The following TTC7B variants were observed in gnomAD, a reference collection of about 807,000 sequenced individuals.
TTC7B encodes tetratricopeptide repeat domain 7B.
A neutral mutation model predicts 106.8 loss-of-function variants in TTC7B; 28 were observed. The ratio of observed to expected loss-of-function variants is 0.26; its 90% confidence interval spans 0.19 to 0.36. TTC7B has a LOEUF of 0.36. TTC7B is among the 10% of genes least tolerant of loss of function. TTC7B has a pLI of 1.00. For synonymous variants in TTC7B, 405 were observed against 430.6 expected, an observed-to-expected ratio of 0.94 and a Z score of 0.74; for missense variants, 862 against 1,076.4, an observed-to-expected ratio of 0.80 and a Z score of 2.79.
chr14:90,743,968 C>T (rs1889862857), intron 4 of TTC7B, among the ~76,000 whole-genome samples: 2 of 152,148 alleles, frequency 1.3e-5, no homozygotes. Flanking sequence ...GCCCTCTTGT[C>T]AGCTGCTCGT....
rs148486043 is a variant in TTC7B, at chr14:90,552,808, G to A, written c.2311-11219C>T. On this transcript the variant is annotated intron_variant, in intron 19 of 19. Transcript: ENST00000328459. The stretch of plus-strand genomic sequence containing the variant: ...TTCCCTTGGGCCTGGGGTCGAACAC[G>A]GAAGGCAAATCTCCTCCAGTCCCCA... Among the ~76,000 whole-genome samples the A allele has an allele frequency of 2.1e-3, 325 of 152,284 alleles. 1 individual carries two copies. Among genetic ancestry groups the A allele is most frequent in the Non-Finnish European group, 3.9e-3 (268 of 68,018 alleles).
At position 90,578,293 on chromosome 14, in the gene TTC7B, C is replaced by T. The variant is rs1308284464; in HGVS notation, c.2123G>A (p.Gly708Asp). 1 of 1,613,946 alleles carries T rather than the reference C, an allele frequency of 6.2e-7. No homozygotes were observed. The highest frequency in any genetic ancestry group is 1.1e-5 in the South Asian group (1 of 90,956). ...IWLHAAEVYI[G>D]IGKPAEATAC... ...TGTGGCTTCTGCAGGCTTCCCGATG[C>T]CGATATAGACTTCAGCTGTGAGGAG... The change falls in exon 19 of 20, where the codon GGC (glycine) becomes GAC (aspartate). Residue 708 changes from glycine to aspartate, a missense_variant. By Grantham distance (94) the Gly-to-Asp change is moderately conservative. Coordinates refer to ENST00000328459, the MANE Select transcript of TTC7B (RefSeq NM_001010854.2). The surrounding 1 kb of genome is among the most constrained non-coding windows in gnomAD (Gnocchi z 4.7).
chr14:90,581,662 G>C (rs1424605043), intron 18 of TTC7B, among the ~76,000 whole-genome samples: 3 of 152,224 alleles, frequency 2.0e-5, no homozygotes, highest in African/African-American at 2.4e-5. Context: ...CTCCCAGTTA[G>C]AGCATTATGA....
At chr14:90,660,325 G>C (rs1056247176) in intron 9 of TTC7B, among the ~76,000 whole-genome samples, 5 of 145,594 alleles carry the variant, frequency 3.4e-5, no homozygotes, top group African/African-American at 1.3e-4. Flanking sequence ...AGGAGGCCGA[G>C]GCTGCAGCGA....
Position 90,808,961 on chromosome 14 carries a change from A to T in TTC7B, c.121+7214T>A, listed in dbSNP as rs191636365. Among the ~76,000 whole-genome samples the T allele has an allele frequency of 2.0e-3, 303 of 152,368 alleles. No individual in the cohort carries two copies. The highest frequency in any genetic ancestry group is 6.9e-3 in the African/African-American group (289 of 41,594). ...ACCAGTTAGAACGCCTTCAGCAGCC[A>T]GTAACGACCAAACGCCTGACTCAGT... On this transcript the variant is annotated intron_variant, in intron 1 of 19. Transcript: ENST00000328459. The surrounding 1 kb of genome is among the most constrained non-coding windows in gnomAD (Gnocchi z 4.2).
chr14:90,605,243 T>C (rs1450502010), intron 17 of TTC7B, among the ~76,000 whole-genome samples: 2 of 151,848 alleles, frequency 1.3e-5, no homozygotes, highest in Non-Finnish European at 2.9e-5. Flanking sequence ...AAAACGGGAG[T>C]TTTTGCGCAA....
At position 90,801,059 on chromosome 14, in the gene TTC7B, T is replaced by C. The variant is rs530958742; in HGVS notation, c.122-14731A>G. On this transcript the variant is annotated intron_variant, in intron 1 of 19. Transcript: ENST00000328459. ...TGCACGCATAGTGAGACCTTGTCTC[T>C]ATACAAATTTTTAAAATTAGCTAGG... 2.9e-5 allele frequency among the ~76,000 whole-genome samples: 4 copies of C among 138,554 alleles called. No individual in the cohort carries two copies. In the South Asian group the frequency reaches 9.9e-4, roughly 34 times the overall value. The allele number at this position is 138,554 out of a possible 152,430, so 90.9% of individuals were successfully genotyped here. A position where few individuals can be genotyped will look rare whatever the true frequency, so the allele number is the denominator to read the frequency against.
chr14:90,785,101 G>A (rs1891342053), intron 2 of TTC7B, among the ~76,000 whole-genome samples: 1 of 152,148 alleles, frequency 6.6e-6, no homozygotes, highest in Admixed American at 6.5e-5. Context: ...ACCCCTTTAA[G>A]AGCCCACCCC....
chr14:90,674,389 T>A (rs1287031438), intron 9 of TTC7B, among the ~76,000 whole-genome samples: 1 of 152,214 alleles, frequency 6.6e-6, no homozygotes, highest in Non-Finnish European at 1.5e-5. Flanking sequence ...ACCGTTTTAG[T>A]CGGATGATCT....
rs942397033 is a variant in TTC7B at position 90,575,250 on chromosome 14, C to A, written c.2310+2856G>T. Among the ~76,000 whole-genome samples, 1 of 152,212 alleles carries A rather than the reference C, an allele frequency of 6.6e-6. No individual in the cohort carries two copies. Among genetic ancestry groups the A allele is most frequent in the Admixed American group, 6.5e-5 (1 of 15,292 alleles). On this transcript the variant is annotated intron_variant, in intron 19 of 19. Coordinates refer to ENST00000328459, the MANE Select transcript of TTC7B (RefSeq NM_001010854.2). This position sits in a 1 kb window ranked among gnomAD's most constrained non-coding sequence, Gnocchi z 5.2. Reference sequence around the variant, plus strand: ...ATGTCAGTTCTTGGGTTTAATCTGTCTGCATGTTGTATTGGCGCGGTTATC... The same window carrying A: ...ATGTCAGTTCTTGGGTTTAATCTGTATGCATGTTGTATTGGCGCGGTTATC...
chr14:90,674,290 T>A (rs1886741094), intron 9 of TTC7B, among the ~76,000 whole-genome samples: 3 of 152,216 alleles, frequency 2.0e-5, no homozygotes, highest in Admixed American at 2.0e-4. Context: ...AGGGTGGACC[T>A]AACCCCTATC....
rs1712872303 is a variant in TTC7B, at chr14:90,578,850, C to T, written c.2108-542G>A. Among the ~76,000 whole-genome samples, 1 of 152,142 alleles carries T rather than the reference C, an allele frequency of 6.6e-6. No individual in the cohort carries two copies. The highest frequency in any genetic ancestry group is 6.5e-5 in the Admixed American group (1 of 15,286). On this transcript the variant is annotated intron_variant, in intron 18 of 19. Coordinates refer to ENST00000328459, the MANE Select transcript of TTC7B (RefSeq NM_001010854.2). The surrounding 1 kb of genome is among the most constrained non-coding windows in gnomAD (Gnocchi z 4.7). ...GATGGCTGCCCCGCCACACCTGGCC[C>T]CTGAGCTCACCTCTGACCAGGGGAA...
At chr14:90,784,417 C>T (rs930841637) in intron 2 of TTC7B, among the ~76,000 whole-genome samples, 5 of 152,024 alleles carry the variant, frequency 3.3e-5, no homozygotes, top group Middle Eastern at 3.4e-3. Context: ...ATTAGCCGGG[C>T]GTGGTGGCGG....
At position 90,761,358 on chromosome 14, in the gene TTC7B, G is replaced by A. The variant is rs146624746; in HGVS notation, c.446-16436C>T. Among the ~76,000 whole-genome samples the A allele has an allele frequency of 8.7e-4, 132 of 152,038 alleles. 1 individual carries two copies. The highest frequency in any genetic ancestry group is 2.8e-3 in the African/African-American group (118 of 41,444). ...TATCTCTTCAGGTTTTCACATTTCT[G>A]ACAACCATCACCCCCACCAGATCCA... is the stretch of plus-strand genomic sequence containing the variant. On this transcript the variant is annotated intron_variant, in intron 3 of 19. Transcript: ENST00000328459.
In TTC7B at chr14:90,803,137, C is replaced by T. The variant is rs753602234; in HGVS notation, c.121+13038G>A. Among the ~76,000 whole-genome samples, 13 of 150,140 alleles carry T rather than the reference C, an allele frequency of 8.7e-5. No individual in the cohort carries two copies. The East Asian group carries it at 9.9e-4, about 11-fold the overall frequency. ...CAGCCTGGGTGACAGAGCGAGACTC[C>T]GATGCAAAAAAAAAAAATATGAATG... On this transcript the variant is annotated intron_variant, in intron 1 of 19. Transcript: ENST00000328459.
intron 4 of TTC7B, 140 bp downstream of exon 4, chr14:90,744,652 T>G: frequency 4.5e-6 from 4 of 890,630 alleles, no homozygotes; most frequent in Non-Finnish European, 5.2e-6. Flanking sequence ...TACCACACTC[T>G]CCTTAGCTTT....
intron 5 of TTC7B, among the ~76,000 whole-genome samples, chr14:90,713,254 T>C (rs1888518439): frequency 6.6e-6 from 1 of 152,142 alleles, no homozygotes; most frequent in Non-Finnish European, 1.5e-5. Flanking sequence ...TAGCTGAGAC[T>C]ACAAGTGCAC....
chr14:90,771,882 A>T (rs1200467992), intron 3 of TTC7B, among the ~76,000 whole-genome samples: 1 of 147,148 alleles, frequency 6.8e-6, no homozygotes, highest in Non-Finnish European at 1.5e-5. Flanking sequence ...ATAAATATTA[A>T]GTATATACAT....
At chr14:90,562,502 A>G (rs1890633732) in intron 19 of TTC7B, among the ~76,000 whole-genome samples, 1 of 152,228 alleles carries the variant, frequency 6.6e-6, no homozygotes, top group Non-Finnish European at 1.5e-5. Context: ...TCACTTGTTT[A>G]AACTGTATCT....
Sources: gnomAD v4.1 joint callset for allele counts (sites outside exome capture counted in the v4.1 genomes callset) on GRCh38, gnomAD v4.1.1 for gene constraint, Gnocchi (gnomAD v3.1) non-coding constraint, MANE v1.5 for transcripts, NCBI Gene and HGNC (gene_info 2026-07-23, HGNC 2026-07-21) for gene names.